ALK: variants seen among roughly 807,000 people sequenced by gnomAD.
ALK encodes the protein ALK tyrosine kinase receptor.
Under a neutral mutation model 163.1 loss-of-function variants are expected in ALK, and 74 were observed. The ratio of observed to expected loss-of-function variants is 0.45; its 90% CI spans 0.38 to 0.55. The LOEUF (loss-of-function observed/expected upper bound fraction) is 0.55, where lower values mean the gene tolerates loss of function less well. Ranked by LOEUF, ALK falls within the 20% of genes least tolerant of loss-of-function variation. The pLI, the probability that ALK is intolerant of heterozygous loss-of-function variation, is 0.00. For synonymous variants in ALK, 960 were observed against 843.2 expected (o/e 1.14, Z -2.40); for missense variants, 2,063 against 2,105.3 (o/e 0.98, Z 0.39).
chr2:29,716,159 G>A (rs1429223632), intron 2 of ALK, among the ~76,000 whole-genome samples: 2 of 152,180 alleles, frequency 1.3e-5, no homozygotes, highest in Non-Finnish European at 2.9e-5. Flanking sequence ...AATATGCCCA[G>A]AAGGGAATCT....
intron 4 of ALK, among the ~76,000 whole-genome samples, chr2:29,470,148 A>G (rs185754515): frequency 3.9e-4 from 59 of 152,268 alleles, no homozygotes; most frequent in African/African-American, 1.4e-3. Context: ...ACAGAAAATT[A>G]GGATACTGGA....
chr2:29,480,573 T>C (rs1671637551), intron 4 of ALK, among the ~76,000 whole-genome samples: 1 of 152,104 alleles, frequency 6.6e-6, no homozygotes, highest in Non-Finnish European at 1.5e-5. Context: ...CTGCTTTTTA[T>C]TGCCCCGTTG....
intron 11 of ALK, among the ~76,000 whole-genome samples, chr2:29,273,127 C>A (rs1017656907): frequency 6.6e-6 from 1 of 152,258 alleles, no homozygotes; most frequent in Non-Finnish European, 1.5e-5. Flanking sequence ...TTGGGCTTTG[C>A]AAACATGCCC....
chr2:29,270,134 A>C (rs981832190), intron 11 of ALK, among the ~76,000 whole-genome samples: 2 of 152,254 alleles, frequency 1.3e-5, no homozygotes, highest in South Asian at 4.1e-4. Flanking sequence ...AGATCTATTC[A>C]GTAATGAAAG....
intron 3 of ALK, among the ~76,000 whole-genome samples, chr2:29,591,975 A>G (rs150518687): frequency 1.5e-3 from 226 of 152,144 alleles, no homozygotes; most frequent in African/African-American, 5.1e-3. Flanking sequence ...GCCAATCTTA[A>G]GATCACTCTC....
chr2:29,224,641 T>A (rs1663888559), intron 19 of ALK: 1 of 225,804 alleles, frequency 4.4e-6, no homozygotes, highest in Admixed American at 5.7e-5. Flanking sequence ...AGTTCCCTCC[T>A]CTATGCAATG....
At chr2:29,743,222 T>C (rs953709744) in intron 1 of ALK, among the ~76,000 whole-genome samples, 8 of 152,344 alleles carry the variant, frequency 5.3e-5, no homozygotes, top group African/African-American at 1.9e-4. Context: ...CTAAAGCTTC[T>C]ACAATTTTTC....
In ALK at chr2:29,292,036, G is replaced by A. The variant is rs762130914; in HGVS notation, c.1817+4852C>T. On this transcript the variant is annotated intron_variant, in intron 9 of 28. Transcript: ENST00000389048. ...TCAGTTTAACCCATCTCATTTGAAAGATGCATTGGTGAAACACACCACTTG... is the reference window on the plus strand; with the variant it reads ...TCAGTTTAACCCATCTCATTTGAAAAATGCATTGGTGAAACACACCACTTG... Among the ~76,000 whole-genome samples, 9 of 152,214 alleles carry A rather than the reference G, an allele frequency of 5.9e-5. No individual in the cohort carries two copies. In the South Asian group the frequency reaches 6.2e-4, roughly 11 times the overall value.
chr2:29,705,209 C>A (rs1414620573), intron 2 of ALK, among the ~76,000 whole-genome samples: 7 of 131,782 alleles, frequency 5.3e-5, no homozygotes, highest in African/African-American at 1.3e-4. Flanking sequence ...CAGAGTGAGA[C>A]TCCATCTCAA....
intron 3 of ALK, among the ~76,000 whole-genome samples, chr2:29,562,863 T>C (rs12105136): frequency 0.028 from 4,337 of 152,324 alleles, 75 homozygotes; most frequent in Middle Eastern, 0.075. Context: ...AACAGAGGGC[T>C]TAACAGATTC....
chr2:29,766,913 A>G (rs532635282), intron 1 of ALK, among the ~76,000 whole-genome samples: 17 of 152,116 alleles, frequency 1.1e-4, no homozygotes, highest in Non-Finnish European at 2.2e-4. Flanking sequence ...GACCTCCAAA[A>G]GGCTCTTCTA....
At chr2:29,219,639 G>T (rs1669731105) in intron 23 of ALK, among the ~76,000 whole-genome samples, 1 of 152,212 alleles carries the variant, frequency 6.6e-6, no homozygotes, top group East Asian at 1.9e-4. Context: ...AAGACCTGCA[G>T]ACCCAAGCAT....
intron 1 of ALK, among the ~76,000 whole-genome samples, chr2:29,895,789 T>G (rs1405627308): frequency 6.6e-6 from 1 of 152,202 alleles, no homozygotes; most frequent in African/African-American, 2.4e-5. Context: ...TCTGCTCTCC[T>G]AGGTCATTTC....
intron 2 of ALK, among the ~76,000 whole-genome samples, chr2:29,717,089 G>A (rs570665670): frequency 6.8e-6 from 1 of 146,198 alleles, no homozygotes; most frequent in South Asian, 2.2e-4. Context: ...GGAGAATGGT[G>A]TGAACCCAGG....
intron 3 of ALK, among the ~76,000 whole-genome samples, chr2:29,683,434 C>T (rs1443501819): frequency 6.6e-6 from 1 of 151,898 alleles, no homozygotes; most frequent in African/African-American, 2.4e-5. Flanking sequence ...CTACGAATCA[C>T]CAGTAAGGAT....
At chr2:29,802,059 T>G (rs1664479971) in intron 1 of ALK, among the ~76,000 whole-genome samples, 1 of 152,138 alleles carries the variant, frequency 6.6e-6, no homozygotes, top group South Asian at 2.1e-4. Context: ...AAAATAATTC[T>G]GTTTAAATGT....
chr2:29,904,596 T>G (rs918489082), intron 1 of ALK, among the ~76,000 whole-genome samples: 1 of 152,154 alleles, frequency 6.6e-6, no homozygotes, highest in African/African-American at 2.4e-5. Flanking sequence ...AAACTCTTCT[T>G]AAAATTTACC....
chr2:29,574,191 A>T (rs989289243), intron 3 of ALK, among the ~76,000 whole-genome samples: 8 of 152,302 alleles, frequency 5.3e-5, no homozygotes, highest in Non-Finnish European at 8.8e-5. Context: ...GTGTCAGCAG[A>T]TCTGTGTTTG....
chr2:29,672,362 C>T (rs1476852431), intron 3 of ALK, among the ~76,000 whole-genome samples: 114 of 144,156 alleles, frequency 7.9e-4, no homozygotes, highest in African/African-American at 1.3e-3. Flanking sequence ...GAGTGTGATG[C>T]TCCCCTTCCT....
Sources: gnomAD v4.1 joint callset for allele counts (sites outside exome capture counted in the v4.1 genomes callset) on GRCh38, gnomAD v4.1.1 for gene constraint, MANE v1.5 for transcripts, NCBI Gene and HGNC (gene_info 2026-07-23, HGNC 2026-07-21) for gene names.